NLGN4X: variants seen among roughly 807,000 people sequenced by gnomAD.
NLGN4X encodes the protein neuroligin 4 X-linked.
NLGN4X carries 3 observed loss-of-function variants against 40.3 expected under a neutral mutation model. The observed-to-expected ratio is 0.07, with a 90% confidence interval of 0.03 to 0.19. The LOEUF (loss-of-function observed/expected upper bound fraction) is 0.19. Ranked by LOEUF, NLGN4X falls within the 10% of genes least tolerant of loss-of-function variation. NLGN4X has a pLI of 1.00. For synonymous variants in NLGN4X, 270 were observed against 306.8 expected (o/e 0.88, Z 1.25); for missense variants, 382 against 708.3 (o/e 0.54, Z 5.23).
At chrX:6,089,351 C>T (rs780889738) in intron 2 of NLGN4X, among the ~76,000 whole-genome samples, 17 of 111,571 alleles carry the variant, frequency 1.5e-4, no homozygotes, top group African/African-American at 5.5e-4. Context: ...TTGTACATGG[C>T]TATACTTTCT....
intron 3 of NLGN4X, among the ~76,000 whole-genome samples, chrX:6,013,925 G>A (rs1353501196): frequency 1.8e-5 from 2 of 110,688 alleles, no homozygotes; most frequent in East Asian, 2.8e-4. Flanking sequence ...ACTCACGCCT[G>A]TAATCCCAGC....
In NLGN4X at chrX:5,892,488, A is replaced by C. The variant is rs1364765871; in HGVS notation, c.*329T>G. 3.9e-6 allele frequency: 1 copy of C among 254,511 alleles called. No individual in the cohort carries two copies. The highest frequency in any genetic ancestry group is 7.0e-6 in the Non-Finnish European group (1 of 141,942). 21.0% of individuals were successfully genotyped at this position (254,511 alleles called of 1,213,427 possible). ...TGTCAGCTGCTTCCATGACGTTGGAAACACCCGGGGCCTTGAAATGGTGAT... is the reference window on the plus strand; with the variant it reads ...TGTCAGCTGCTTCCATGACGTTGGACACACCCGGGGCCTTGAAATGGTGAT... On this transcript the variant is annotated 3_prime_UTR_variant, in exon 6 of 6. Transcript: ENST00000381095.
intron 2 of NLGN4X, among the ~76,000 whole-genome samples, chrX:6,137,294 A>G (rs1052818101): frequency 1.8e-5 from 2 of 111,790 alleles, no homozygotes; most frequent in African/African-American, 6.5e-5. Flanking sequence ...CTCTTCTTAC[A>G]AGAACACCAA....
At chrX:6,218,827 C>A (rs1925336259) in intron 1 of NLGN4X, among the ~76,000 whole-genome samples, 1 of 110,999 alleles carries the variant, frequency 9.0e-6, no homozygotes, top group Non-Finnish European at 1.9e-5. Flanking sequence ...TACAAAGAAC[C>A]CTAAGTTATC....
chrX:6,214,895 A>C (rs1300747772), intron 1 of NLGN4X, among the ~76,000 whole-genome samples: 1 of 112,015 alleles, frequency 8.9e-6, no homozygotes, highest in Non-Finnish European at 1.9e-5. Flanking sequence ...AAATGTAAAA[A>C]TGCTGGGTTC....
chrX:6,221,402 T>C (rs1442827804), intron 1 of NLGN4X, among the ~76,000 whole-genome samples: 1 of 77,417 alleles, frequency 1.3e-5, no homozygotes, highest in Non-Finnish European at 2.2e-5. Context: ...TATATATATA[T>C]ATATATATAT....
At chrX:5,997,210 T>C (rs1047782912) in intron 3 of NLGN4X, among the ~76,000 whole-genome samples, 3 of 107,102 alleles carry the variant, frequency 2.8e-5, no homozygotes, top group African/African-American at 1.0e-4. Flanking sequence ...TATGTATATA[T>C]ATCTATATAT....
At chrX:5,968,116 T>C (rs1273023988) in intron 3 of NLGN4X, among the ~76,000 whole-genome samples, 2 of 110,713 alleles carry the variant, frequency 1.8e-5, no homozygotes, top group Non-Finnish European at 3.8e-5. Context: ...ACTTCTACTT[T>C]TTTCAATGAA....
intron 1 of NLGN4X, among the ~76,000 whole-genome samples, chrX:6,210,239 CGTTT>C (rs779631585): frequency 5.0e-4 from 43 of 85,372 alleles, no homozygotes; most frequent in Non-Finnish European, 6.9e-4. Context: ...CGTGTGCGCC[CGTTT>C]GTGTGTGTGT....
At chrX:6,037,388 G>T (rs1163504389) in intron 2 of NLGN4X, among the ~76,000 whole-genome samples, 4 of 109,901 alleles carry the variant, frequency 3.6e-5, no homozygotes, top group Non-Finnish European at 7.6e-5. Flanking sequence ...TAACATCAAA[G>T]GAAAACCTCA....
At chrX:6,094,528 A>G (rs5915644) in intron 2 of NLGN4X, among the ~76,000 whole-genome samples, 21,535 of 109,653 alleles carry the variant, frequency 0.2, 1,862 homozygotes, top group South Asian at 0.27. Flanking sequence ...TAGAGTATCC[A>G]AGTCCCAGTT....
At chrX:6,037,037 G>C in intron 2 of NLGN4X, among the ~76,000 whole-genome samples, 1 of 111,223 alleles carries the variant, frequency 9.0e-6, no homozygotes, top group Non-Finnish European at 1.9e-5. Flanking sequence ...AATGATATGG[G>C]CGCGGTGGCT....
intron 2 of NLGN4X, among the ~76,000 whole-genome samples, chrX:6,059,614 C>A (rs1409132167): frequency 9.0e-6 from 1 of 111,297 alleles, no homozygotes; most frequent in Non-Finnish European, 1.9e-5. Context: ...CTGCCTAGTG[C>A]AAAGTACTTC....
At chrX:6,153,864 C>T (rs755820929) in intron 1 of NLGN4X, among the ~76,000 whole-genome samples, 4 of 112,365 alleles carry the variant, frequency 3.6e-5, no homozygotes, top group Middle Eastern at 4.6e-3. Flanking sequence ...GGGCAGTGAG[C>T]GATTATGAAG....
At chrX:6,180,808 CT>C (rs369091307) in intron 1 of NLGN4X, among the ~76,000 whole-genome samples, 187 of 102,043 alleles carry the variant, frequency 1.8e-3, no homozygotes, top group South Asian at 2.2e-3. Flanking sequence ...GTACTGACAG[CT>C]TTTTTTTTTT....
intron 3 of NLGN4X, among the ~76,000 whole-genome samples, chrX:5,984,509 G>A (rs979539167): frequency 2.7e-5 from 3 of 111,346 alleles, no homozygotes; most frequent in Non-Finnish European, 3.8e-5. Flanking sequence ...AAGAAACCAC[G>A]ATTGCAAATT....
chrX:5,973,680 G>A (rs974718024), intron 3 of NLGN4X, among the ~76,000 whole-genome samples: 6 of 110,699 alleles, frequency 5.4e-5, no homozygotes, highest in Non-Finnish European at 9.5e-5. Context: ...AAAATTAGCC[G>A]GGTGTGGTGG....
intron 3 of NLGN4X, among the ~76,000 whole-genome samples, chrX:5,935,828 G>A (rs2033712772): frequency 8.9e-6 from 1 of 111,969 alleles, no homozygotes; most frequent in South Asian, 3.7e-4. Flanking sequence ...GAAATGCCAG[G>A]TCAAGAAGAA....
At chrX:6,069,753 T>TA (rs1300284617) in intron 2 of NLGN4X, among the ~76,000 whole-genome samples, 5 of 112,202 alleles carry the variant, frequency 4.5e-5, no homozygotes, top group Admixed American at 3.8e-4. Context: ...AGGCATCATG[T>TA]AAAAAATGCC....
Sources: allele counts gnomAD v4.1 joint callset (sites outside exome capture counted in the v4.1 genomes callset), GRCh38; gene constraint gnomAD v4.1.1; transcripts MANE v1.5; gene names NCBI Gene and HGNC (gene_info 2026-07-23, HGNC 2026-07-21).